Variants in GLYATL2 observed in about 807,000 individuals in gnomAD.
GLYATL2 encodes glycine N-acyltransferase-like protein 2.
Under a neutral mutation model 21.4 loss-of-function variants are expected in GLYATL2, and 25 were observed. The observed-to-expected ratio is 1.17, with a 90% CI of 0.85 to 1.63. The LOEUF is 1.63. Among genes scored for constraint, GLYATL2 ranks in the 40% most tolerant of loss-of-function variants. GLYATL2 has a pLI of 0.00. For synonymous variants in GLYATL2, 114 were observed against 118.2 expected, an observed-to-expected ratio of 0.96 and a Z score of 0.23; for missense variants, 361 against 343.3, an observed-to-expected ratio of 1.05 and a Z score of -0.41.
At position 58,863,318 on chromosome 11, in the gene GLYATL2, C is replaced by T. The variant is rs542021603; in HGVS notation, n.61-24950G>A. On this transcript the variant is annotated intron_variant and non_coding_transcript_variant, in intron 1 of 4. Coordinates refer to the GLYATL2 transcript ENST00000533636. ...TAATGTCTGGGCCTACTGGGATGAGCCTGGAATCTGAGTCCATGGGGACTG... is the reference window on the plus strand; with the variant it reads ...TAATGTCTGGGCCTACTGGGATGAGTCTGGAATCTGAGTCCATGGGGACTG... 3.3e-5 allele frequency among the ~76,000 whole-genome samples: 5 copies of T among 152,232 alleles called. 1 individual carries two copies. In the East Asian group the frequency reaches 9.7e-4, roughly 29 times the overall value.
upstream of GLYATL2, among the ~76,000 whole-genome samples, chr11:58,905,070 G>A (rs1854830056): frequency 6.6e-6 from 1 of 152,166 alleles, no homozygotes; most frequent in South Asian, 2.1e-4. Flanking sequence ...GTCTTCATCC[G>A]AAGGGTAAAG....
At chr11:58,878,848 G>A (rs1407696229) in intron 1 of GLYATL2, among the ~76,000 whole-genome samples, 9 of 152,210 alleles carry the variant, frequency 5.9e-5, no homozygotes, top group Admixed American at 3.3e-4. Flanking sequence ...ATAACTTAGA[G>A]TGGAACATTT....
In GLYATL2 at chr11:58,841,968, G is replaced by T. The variant is rs1376804064; in HGVS notation, c.-40-2316C>A. ...GACCAGGAAAGGAAGAAGAACATGAGAATATCGAAGGACAGAGGAGAGGTA... is the reference window on the plus strand; with the variant it reads ...GACCAGGAAAGGAAGAAGAACATGATAATATCGAAGGACAGAGGAGAGGTA... On this transcript the variant is annotated intron_variant, in intron 1 of 5. Coordinates refer to ENST00000287275, the MANE Select transcript of GLYATL2 (RefSeq NM_145016.4). Among the ~76,000 whole-genome samples, 4 of 152,252 alleles carry T rather than the reference G, an allele frequency of 2.6e-5. No homozygotes were observed. In the East Asian group the frequency reaches 7.7e-4, roughly 29 times the overall value.
At chr11:58,876,693 G>T (rs537899152) in intron 1 of GLYATL2, among the ~76,000 whole-genome samples, 1 of 152,214 alleles carries the variant, frequency 6.6e-6, no homozygotes, top group African/African-American at 2.4e-5. Flanking sequence ...GTGTCTGTCC[G>T]CCCCTACTGG....
intron 1 of GLYATL2, among the ~76,000 whole-genome samples, chr11:58,894,705 T>TA (rs369776305): frequency 2.0e-5 from 3 of 151,836 alleles, no homozygotes; most frequent in African/African-American, 7.3e-5. Context: ...CATGGAGCTT[T>TA]AAAAAAAACT....
upstream of GLYATL2, among the ~76,000 whole-genome samples, chr11:58,849,699 C>T (rs10792189): frequency 0.89 from 134,949 of 152,110 alleles, 61,026 homozygotes; most frequent in Non-Finnish European, 0.98. Flanking sequence ...GAAAACCAAA[C>T]ACCGCATGTT....
At chr11:58,865,720 AG>A (rs1854012150) in intron 1 of GLYATL2, among the ~76,000 whole-genome samples, 1 of 31,912 alleles carries the variant, frequency 3.1e-5, no homozygotes, top group Admixed American at 4.2e-4. Flanking sequence ...TTGGTCACAA[AG>A]GATGAAGGAA....
chr11:58,899,340 G>T lies in GLYATL2; in HGVS notation n.60+4816C>A, dbSNP rs185765154. Among the ~76,000 whole-genome samples the T allele has an allele frequency of 2.8e-3, 430 of 152,226 alleles. 4 individuals carry two copies. The highest frequency in any genetic ancestry group is 9.8e-3 in the African/African-American group (407 of 41,540). ...AACCGTTTCTCAGTCAGTGTGGGGT[G>T]TTAAGAACTCCTCACTGCCCCTCTT... On this transcript the variant is annotated intron_variant and non_coding_transcript_variant, in intron 1 of 4. Transcript: ENST00000533636.
At chr11:58,899,440 C>G (rs1854694326) in intron 1 of GLYATL2, among the ~76,000 whole-genome samples, 1 of 152,106 alleles carries the variant, frequency 6.6e-6, no homozygotes, top group Non-Finnish European at 1.5e-5. Context: ...AACATATTTC[C>G]TATAAACTCA....
upstream of GLYATL2, chr11:58,907,653 T>C (rs191110444): frequency 9.7e-6 from 2 of 207,004 alleles, no homozygotes; most frequent in East Asian, 2.3e-4. Context: ...GTGGGTCATA[T>C]TTTTTCCACG....
intron 1 of GLYATL2, among the ~76,000 whole-genome samples, chr11:58,859,076 C>G (rs1016587277): frequency 1.3e-5 from 2 of 152,164 alleles, no homozygotes; most frequent in African/African-American, 4.8e-5. Flanking sequence ...CTCTGAAGCT[C>G]TCACTCACAC....
At chr11:58,865,430 T>C (rs1371675301) in intron 1 of GLYATL2, among the ~76,000 whole-genome samples, 1 of 149,192 alleles carries the variant, frequency 6.7e-6, no homozygotes, top group African/African-American at 2.4e-5. Flanking sequence ...CAAATATTTG[T>C]GTAAACTAAT....
At chr11:58,856,560 C>G (rs769658196) in intron 1 of GLYATL2, among the ~76,000 whole-genome samples, 15 of 152,196 alleles carry the variant, frequency 9.9e-5, no homozygotes, top group Non-Finnish European at 1.3e-4. Context: ...ACTCATGACT[C>G]TTTCCTTCAC....
chr11:58,885,660 A>C, intron 1 of GLYATL2: 1 of 276,928 alleles, frequency 3.6e-6, no homozygotes, highest in East Asian at 8.5e-5. Flanking sequence ...ATTTTAAAAC[A>C]CTCCTTCAGT....
rs762591993 is a variant in GLYATL2, at chr11:58,878,406, T to G, written n.60+25750A>C. 1.6e-4 allele frequency: 91 copies of G among 555,728 alleles called. 1 individual carries two copies. Among genetic ancestry groups the G allele is most frequent in the Non-Finnish European group, 2.3e-4 (87 of 380,514 alleles). The allele number at this position is 555,728 out of a possible 1,614,324, so 34.4% of individuals were successfully genotyped here. On this transcript the variant is annotated intron_variant and non_coding_transcript_variant, in intron 1 of 4. Coordinates refer to the GLYATL2 transcript ENST00000533636. ...GGTAAGCTCCCTCTCGCATTTTGGA[T>G]CTTCACACATTTGTGTTTTGAGCTC... is the stretch of plus-strand genomic sequence containing the variant.
rs1161411723 is a variant in GLYATL2, at chr11:58,844,690, T to G, written c.-297A>C. On this transcript the variant is annotated 5_prime_UTR_variant, in exon 1 of 6. Coordinates refer to ENST00000287275, the MANE Select transcript of GLYATL2 (RefSeq NM_145016.4). ...GAGAATATGTTCCATATTGAGCAGC[T>G]TCTACAATTCTAAGAAGTTTTACTC... is the stretch of plus-strand genomic sequence containing the variant. 3 of 152,234 alleles carry G rather than the reference T, an allele frequency of 2.0e-5. No homozygotes were observed. The highest frequency in any genetic ancestry group is 4.4e-5 in the Non-Finnish European group (3 of 68,038). The allele number at this position is 152,234 out of a possible 1,614,324, so 9.4% of individuals were successfully genotyped here.
chr11:58,896,801 A>T (rs1854643944), intron 1 of GLYATL2, among the ~76,000 whole-genome samples: 1 of 152,108 alleles, frequency 6.6e-6, no homozygotes, highest in Non-Finnish European at 1.5e-5. Context: ...TCCTGCTATG[A>T]CATATTTACT....
rs554049021 is a variant in GLYATL2 at position 58,873,734 on chromosome 11, G to C, written n.60+30422C>G. Among the ~76,000 whole-genome samples, 23 of 152,194 alleles carry C rather than the reference G, an allele frequency of 1.5e-4. No individual in the cohort carries two copies. The East Asian group carries it at 3.5e-3, about 23-fold the overall frequency. On this transcript the variant is annotated intron_variant and non_coding_transcript_variant, in intron 1 of 4. Coordinates refer to the GLYATL2 transcript ENST00000533636. The stretch of plus-strand genomic sequence containing the variant: ...TGCATCAATGTTCATCAAGGATATT[G>C]GTCTAAAATTCTCTTTTTTTGTTGT...
chr11:58,893,690 G>A (rs931676633), intron 1 of GLYATL2, among the ~76,000 whole-genome samples: 2 of 152,158 alleles, frequency 1.3e-5, no homozygotes, highest in Non-Finnish European at 2.9e-5. Flanking sequence ...CATAAGTGTT[G>A]TAGGGAAGGA....
Sources: gnomAD v4.1 joint callset for allele counts (sites outside exome capture counted in the v4.1 genomes callset) on GRCh38, gnomAD v4.1.1 for gene constraint, MANE v1.5 for transcripts, NCBI Gene and HGNC (gene_info 2026-07-23, HGNC 2026-07-21) for gene names.